The following ZSWIM8 variants were observed in gnomAD, a reference collection of about 807,000 sequenced individuals.
The protein encoded by ZSWIM8 is zinc finger SWIM-type containing 8.
A neutral mutation model predicts 173.7 loss-of-function variants in ZSWIM8; 27 were observed. The observed-to-expected ratio is 0.16, with a 90% confidence interval of 0.11 to 0.21. The LOEUF (loss-of-function observed/expected upper bound fraction) is 0.21, where lower values mean the gene tolerates loss of function less well. Among genes scored for constraint, ZSWIM8 ranks in the 10% least tolerant of loss-of-function variants. The probability of loss-of-function intolerance (pLI) is 1.00; values close to 1 mark genes in which losing one functional copy is unlikely to be tolerated. For synonymous variants in ZSWIM8, 958 were observed against 962.0 expected (o/e 1.00, Z 0.08); for missense variants, 1,627 against 2,428.8 (o/e 0.67, Z 6.94).
At position 73,789,683 on chromosome 10, in the gene ZSWIM8, C is replaced by T. The variant is rs2132669729; in HGVS notation, c.631-34C>T. The T allele has an allele frequency of 6.4e-7, 1 of 1,568,688 alleles. No homozygotes were observed. Among genetic ancestry groups the T allele is most frequent in the Non-Finnish European group, 8.7e-7 (1 of 1,155,754 alleles). On this transcript the variant is annotated intron_variant, in intron 4 of 25. Coordinates refer to ENST00000604729, the MANE Select transcript of ZSWIM8 (RefSeq NM_001367799.1). The surrounding 1 kb of genome is among the most constrained non-coding windows in gnomAD (Gnocchi z 6.8). ...GCTCCAGCTCCAGCAAACCTGTTCT[C>T]AGATTGTTCCATTTTTCTCTGTGTC...
chr10:73,799,575 A>G, intron 21 of ZSWIM8, 85 bp downstream of exon 21: 1 of 1,539,096 alleles, frequency 6.5e-7, no homozygotes, highest in Non-Finnish European at 8.8e-7. Context: ...CTGGGAGTAT[A>G]ATTGGTCAGT....
chr10:73,793,431 G>A (rs534674876), intron 10 of ZSWIM8, among the ~76,000 whole-genome samples, 157 bp from the exon 11 acceptor site: 1 of 152,302 alleles, frequency 6.6e-6, no homozygotes, highest in African/African-American at 2.4e-5. Flanking sequence ...TGGCATGTGT[G>A]TTTATGTGTC....
intron 1 of ZSWIM8, among the ~76,000 whole-genome samples, chr10:73,787,580 G>A (rs1234572273): frequency 1.3e-5 from 2 of 152,140 alleles, no homozygotes; most frequent in African/African-American, 2.4e-5. Context: ...GGCCAGGTGC[G>A]GTGGCTCGTG....
At position 73,792,434 on chromosome 10, in the gene ZSWIM8, C is replaced by T. The variant is rs770234728; in HGVS notation, c.1895C>T (p.Ala632Val). Residue 632 changes from alanine (A) to valine (V), a missense_variant, in exon 10 of 26, where the codon GCA (alanine) becomes GTA (valine). Transcript: ENST00000604729. This position sits in a 1 kb window ranked among gnomAD's most constrained non-coding sequence, Gnocchi z 4.3. ...GATGACAGCAGCCTGGCCCTGGGCG[C>T]AGAGGCCAGCACCTTCGGGGGATTC... ...SLDDSSLALG[A>V]EASTFGGFPE... is the part of the protein sequence containing the mutation. The T allele has an allele frequency of 6.2e-6, 10 of 1,604,818 alleles. No homozygotes were observed. Among genetic ancestry groups the T allele is most frequent in the East Asian group, 2.3e-5 (1 of 44,434 alleles).
rs1420597361 is a variant in ZSWIM8, at chr10:73,792,012, A to G, written c.1473A>G (p.Pro491=). 6.4e-7 allele frequency: 1 copy of G among 1,550,450 alleles called. No homozygotes were observed. Among genetic ancestry groups the G allele is most frequent in the Non-Finnish European group, 8.7e-7 (1 of 1,146,402 alleles). ...ACTTCAACTGGGAAGAGGCCTACCC[A>G]CTTCCTGGTGTCACCTACAGCGGCA... The part of the protein sequence containing the change: ...ACYFNWEEAY[P]LPGVTYSGTD... The change falls in exon 10 of 26, where the codon CCA becomes CCG. Residue 491 remains proline, a synonymous_variant. Transcript: ENST00000604729. The surrounding 1 kb of genome is among the most constrained non-coding windows in gnomAD (Gnocchi z 4.3).
At chr10:73,794,881 A>T in intron 14 of ZSWIM8, 1 of 254,018 alleles carries the variant, frequency 3.9e-6, no homozygotes, top group East Asian at 1.1e-4. Flanking sequence ...TGAGCTCAGG[A>T]GTTCATGACC....
In ZSWIM8 at chr10:73,792,465, G is replaced by C; in HGVS notation, c.1926G>C (p.Glu642Asp). 1 of 1,610,128 alleles carries C rather than the reference G, an allele frequency of 6.2e-7. No homozygotes were observed. The highest frequency in any genetic ancestry group is 2.2e-5 in the East Asian group (1 of 44,750). The change falls in exon 10 of 26, where the codon GAG (glutamate) becomes GAC (aspartate). Residue 642 changes from glutamate to aspartate, a missense_variant. Physicochemically the swap from Glu to Asp is conservative, Grantham distance 45. Around this residue, in one of 18 missense-constraint regions of ZSWIM8, gnomAD observed 383 missense variants for 394.8 expected, o/e 0.97. Transcript: ENST00000604729. The surrounding 1 kb of genome is among the most constrained non-coding windows in gnomAD (Gnocchi z 4.3). ...AEASTFGGFP[E>D]SPPPCPLHGG... ...CCAGCACCTTCGGGGGATTCCCTGAGAGCCCTCCACCCTGTCCTCTCCACG... is the reference window on the plus strand; with the variant it reads ...CCAGCACCTTCGGGGGATTCCCTGACAGCCCTCCACCCTGTCCTCTCCACG...
In ZSWIM8 at chr10:73,797,131, C is replaced by G; in HGVS notation, c.3293C>G (p.Pro1098Arg). Reference protein sequence around the residue: ...KNVPESSPHSPCEGLPSEAAL... With the variant: ...KNVPESSPHSRCEGLPSEAAL... ...CACCTAGAGAGTTCCCCACATTCCC[C>G]CTGTGAGGGTCTTCCATCTGAGGCA... The change falls in exon 17 of 26, where the codon CCC becomes CGC. Residue 1098 changes from proline to arginine, a missense_variant. Around this residue, in one of 18 missense-constraint regions of ZSWIM8, gnomAD observed 163 missense variants for 193.2 expected, o/e 0.84. Coordinates refer to ENST00000604729, the MANE Select transcript of ZSWIM8 (RefSeq NM_001367799.1). The surrounding 1 kb of genome is among the most constrained non-coding windows in gnomAD (Gnocchi z 5.6). 1 of 1,613,634 alleles carries G rather than the reference C, an allele frequency of 6.2e-7. No individual in the cohort carries two copies. Among genetic ancestry groups the G allele is most frequent in the Non-Finnish European group, 8.5e-7 (1 of 1,179,748 alleles).
At position 73,795,677 on chromosome 10, in the gene ZSWIM8, G is replaced by A; in HGVS notation, c.3033+14G>A. Reference sequence around the variant, plus strand: ...AAGCTTAAGAAGGTAAGAGACTGGGGCTGGGTGCGGTGGCTCATGCCTGTA... The same window carrying A: ...AAGCTTAAGAAGGTAAGAGACTGGGACTGGGTGCGGTGGCTCATGCCTGTA... On this transcript the variant is annotated intron_variant, in intron 15 of 25. Coordinates refer to ENST00000604729, the MANE Select transcript of ZSWIM8 (RefSeq NM_001367799.1). 6.2e-7 allele frequency: 1 copy of A among 1,608,930 alleles called. No individual in the cohort carries two copies. The highest frequency in any genetic ancestry group is 1.1e-5 in the South Asian group (1 of 91,022).
Position 73,798,314 on chromosome 10 carries a change from C to A in ZSWIM8, c.4037C>A (p.Ser1346Tyr). The A allele has an allele frequency of 1.2e-6, 2 of 1,614,034 alleles. No homozygotes were observed. Among genetic ancestry groups the A allele is most frequent in the Non-Finnish European group, 8.5e-7 (1 of 1,179,900 alleles). ...DGHLTPPEVA[S>Y]LADRASRARD... ...CACCTGACACCCCCTGAGGTTGCAT[C>A]CCTGGCTGACAGGGCATCACGGGCA... The change falls in exon 20 of 26, where the codon TCC (serine) becomes TAC (tyrosine). Residue 1346 changes from serine (S) to tyrosine (Y), a missense_variant. Coordinates refer to ENST00000604729, the MANE Select transcript of ZSWIM8 (RefSeq NM_001367799.1).
rs938660294 is a variant in ZSWIM8, at chr10:73,789,012, A to G, written c.363-84A>G. The G allele has an allele frequency of 3.1e-6, 3 of 980,842 alleles. No individual in the cohort carries two copies. The highest frequency in any genetic ancestry group is 4.3e-6 in the Non-Finnish European group (3 of 691,122). 60.8% of individuals were successfully genotyped at this position (980,842 alleles called of 1,614,324 possible). On this transcript the variant is annotated intron_variant, in intron 2 of 25. Coordinates refer to ENST00000604729, the MANE Select transcript of ZSWIM8 (RefSeq NM_001367799.1). The surrounding 1 kb of genome is among the most constrained non-coding windows in gnomAD (Gnocchi z 6.8). ...GGGGAAGGAATGAGGCTAGGGAGAG[A>G]GTGCCTAGGGCATTGTGGTCTCTGA...
rs781493708 is a variant in ZSWIM8 at position 73,801,658 on chromosome 10, C to CTA, written c.*142_*143dup. The CTA allele has an allele frequency of 2.0e-6, 3 of 1,535,632 alleles. No individual in the cohort carries two copies. The highest frequency in any genetic ancestry group is 1.7e-6 in the Non-Finnish European group (2 of 1,146,726). ...GCACAGACTGACAGCTGCTCTTGGG[C>CTA]TATAGCTTGGGGCCAAGATGTCTCA... On this transcript the variant is annotated 3_prime_UTR_variant, in exon 26 of 26. Coordinates refer to ENST00000604729, the MANE Select transcript of ZSWIM8 (RefSeq NM_001367799.1). The surrounding 1 kb of genome is among the most constrained non-coding windows in gnomAD (Gnocchi z 4.9).
Position 73,797,569 on chromosome 10 carries a change from G to T in ZSWIM8, c.3626G>T (p.Ser1209Ile). Residue 1209 changes from serine to isoleucine, a missense_variant, in exon 18 of 26, where the codon AGT (serine) becomes ATT (isoleucine). Coordinates refer to ENST00000604729, the MANE Select transcript of ZSWIM8 (RefSeq NM_001367799.1). This position sits in a 1 kb window ranked among gnomAD's most constrained non-coding sequence, Gnocchi z 5.6. ...AGTGGAAGTCGCCGGGCCAGTGCCA[G>T]TGGAGGAGCCCGGGCGAAGACTGTT... ...SSSGSRRASA[S>I]GGARAKTVEV... 6.2e-7 allele frequency: 1 copy of T among 1,613,972 alleles called. No individual in the cohort carries two copies. The highest frequency in any genetic ancestry group is 8.5e-7 in the Non-Finnish European group (1 of 1,179,876).
rs570838602 is a variant in ZSWIM8, at chr10:73,801,439, C to A, written c.5425C>A (p.Leu1809Ile). 337 of 1,613,916 alleles carry A rather than the reference C, an allele frequency of 2.1e-4. 3 individuals are homozygous for A. The South Asian group carries it at 3.4e-3, about 16-fold the overall frequency. Residue 1809 changes from leucine to isoleucine, a missense_variant, in exon 26 of 26, where the codon CTA becomes ATA. By Grantham distance (5) the Leu-to-Ile change is conservative. Transcript: ENST00000604729. The surrounding 1 kb of genome is among the most constrained non-coding windows in gnomAD (Gnocchi z 4.9). ...PMGMMQFNDI[L>I]QNLKRSKQTK... Reference sequence around the variant, plus strand: ...GGGCATGATGCAGTTCAACGACATCCTACAGAACCTCAAGCGCAGCAAACA... The same window carrying A: ...GGGCATGATGCAGTTCAACGACATCATACAGAACCTCAAGCGCAGCAAACA...
chr10:73,800,848 C>A lies in ZSWIM8; in HGVS notation c.5122+89C>A. ...CCAGACCTCCTTCCTAGCTCTTGCT[C>A]AGAGTTGAGGCCTTGGTCGGGTATG... On this transcript the variant is annotated intron_variant, in intron 24 of 25. Transcript: ENST00000604729. The surrounding 1 kb of genome is among the most constrained non-coding windows in gnomAD (Gnocchi z 4.1). The A allele has an allele frequency of 1.6e-6, 2 of 1,213,252 alleles. No individual in the cohort carries two copies. Among genetic ancestry groups the A allele is most frequent in the Non-Finnish European group, 2.3e-6 (2 of 862,702 alleles). 75.2% of individuals were successfully genotyped at this position (1,213,252 alleles called of 1,614,324 possible). A position where few individuals can be genotyped will look rare whatever the true frequency, so the allele number is the denominator to read the frequency against.
rs2083895551 is a variant in ZSWIM8, at chr10:73,800,587, A to G, written c.5003-53A>G. ...GTGGGGTCAGGTGACAGGTTGGGGTAAAGGGTGAAGAGGATACACCGTACC... is the reference window on the plus strand; with the variant it reads ...GTGGGGTCAGGTGACAGGTTGGGGTGAAGGGTGAAGAGGATACACCGTACC... On this transcript the variant is annotated intron_variant, in intron 23 of 25. Transcript: ENST00000604729. This position sits in a 1 kb window ranked among gnomAD's most constrained non-coding sequence, Gnocchi z 4.1. 2 of 1,606,432 alleles carry G rather than the reference A, an allele frequency of 1.2e-6. No homozygotes were observed. Among genetic ancestry groups the G allele is most frequent in the African/African-American group, 2.7e-5 (2 of 74,820 alleles).
At position 73,798,261 on chromosome 10, in the gene ZSWIM8, G is replaced by C; in HGVS notation, c.3984G>C (p.Leu1328=). 1 of 1,614,044 alleles carries C rather than the reference G, an allele frequency of 6.2e-7. No homozygotes were observed. The highest frequency in any genetic ancestry group is 8.5e-7 in the Non-Finnish European group (1 of 1,179,886). ...GQAMEIGSAA[L]TILVECWDGH... ...CCATGGAGATAGGCAGCGCAGCCCT[G>C]ACTATACTGGTAGAATGCTGGGATG... is the stretch of plus-strand genomic sequence containing the variant. The change falls in exon 20 of 26, where the codon CTG becomes CTC. Residue 1328 remains leucine (L), a synonymous_variant. Coordinates refer to ENST00000604729, the MANE Select transcript of ZSWIM8 (RefSeq NM_001367799.1).
rs1380041408 is a variant in ZSWIM8, at chr10:73,785,697, C to A, written c.-182C>A. On this transcript the variant is annotated 5_prime_UTR_variant, in exon 1 of 26. Transcript: ENST00000604729. The stretch of plus-strand genomic sequence containing the variant: ...TCACCGCTTGCACCGCGCTGTTGGG[C>A]GAGGCCCGGTCCCGTCTCTTTCCCA... 1.4e-6 allele frequency: 1 copy of A among 692,326 alleles called. No individual in the cohort carries two copies. Among genetic ancestry groups the A allele is most frequent in the Admixed American group, 2.1e-5 (1 of 46,544 alleles). The allele number at this position is 692,326 out of a possible 1,614,324, so 42.9% of individuals were successfully genotyped here. A position where few individuals can be genotyped will look rare whatever the true frequency, so the allele number is the denominator to read the frequency against.
At chr10:73,795,379 C>T (rs1259045660) in intron 14 of ZSWIM8, among the ~76,000 whole-genome samples, 160 bp from the exon 15 acceptor site, 1 of 152,146 alleles carries the variant, frequency 6.6e-6, no homozygotes, top group Admixed American at 6.5e-5. Context: ...AGAGCTTAGG[C>T]TGGATATAAT....
Sources: allele counts gnomAD v4.1 joint callset (sites outside exome capture counted in the v4.1 genomes callset), GRCh38; gene constraint gnomAD v4.1.1; regional missense constraint gnomAD v4.1.1; non-coding constraint Gnocchi (gnomAD v3.1); transcripts MANE v1.5; gene names NCBI Gene and HGNC (gene_info 2026-07-23, HGNC 2026-07-21).